Variants in SPAG16 observed in about 807,000 individuals in gnomAD.
The protein encoded by SPAG16 is sperm-associated antigen 16 protein.
In SPAG16, 86 loss-of-function variants were observed where a neutral mutation model predicts 80.4. The observed-to-expected ratio is 1.07, with a 90% CI of 0.90 to 1.28. SPAG16 has a LOEUF of 1.28. SPAG16 is among the 50% of genes most tolerant of loss of function. The pLI, the probability that SPAG16 is intolerant of heterozygous loss-of-function variation, is 0.00. For missense variants in SPAG16, 870 were observed against 765.3 expected (o/e 1.14, Z -1.61); for synonymous variants, 294 against 265.9 (o/e 1.11, Z -1.03).
intron 14 of SPAG16, among the ~76,000 whole-genome samples, chr2:214,120,417 G>A (rs2054160232): frequency 6.6e-6 from 1 of 151,476 alleles, no homozygotes. Context: ...TTGATTTTAG[G>A]CATATATTAA....
At chr2:213,961,949 G>C (rs2044455716) in intron 12 of SPAG16, among the ~76,000 whole-genome samples, 1 of 152,040 alleles carries the variant, frequency 6.6e-6, no homozygotes, top group African/African-American at 2.4e-5. Flanking sequence ...AGTTTCTGAA[G>C]TATTGATATT....
chr2:214,007,321 G>T (rs2047073648), intron 12 of SPAG16, among the ~76,000 whole-genome samples: 1 of 151,760 alleles, frequency 6.6e-6, no homozygotes, highest in East Asian at 1.9e-4. Flanking sequence ...TATGGCCAGG[G>T]ATGGTGGCTC....
chr2:214,294,638 A>G (rs749103924), intron 15 of SPAG16, among the ~76,000 whole-genome samples: 3 of 152,224 alleles, frequency 2.0e-5, no homozygotes, highest in Non-Finnish European at 4.4e-5. Flanking sequence ...AACCTTAACT[A>G]TAGTTAATAA....
chr2:213,426,816 C>G (rs963851397), intron 9 of SPAG16, among the ~76,000 whole-genome samples: 1 of 123,104 alleles, frequency 8.1e-6, no homozygotes, highest in African/African-American at 2.9e-5. Context: ...TGAACTTTTT[C>G]AAAAGATTAT....
chr2:214,002,221 T>A (rs560193826), intron 12 of SPAG16, among the ~76,000 whole-genome samples: 1 of 152,162 alleles, frequency 6.6e-6, no homozygotes, highest in Non-Finnish European at 1.5e-5. Flanking sequence ...AACCATATAT[T>A]TGTGTATTAA....
At chr2:213,284,956 A>G (rs992035946) in intron 1 of SPAG16, among the ~76,000 whole-genome samples, 18 of 152,214 alleles carry the variant, frequency 1.2e-4, no homozygotes, top group Non-Finnish European at 2.5e-4. Flanking sequence ...CTTTCAAATA[A>G]TGGGTTTCCT....
At chr2:213,799,977 G>T (rs907410180) in intron 10 of SPAG16, among the ~76,000 whole-genome samples, 33 of 133,872 alleles carry the variant, frequency 2.5e-4, no homozygotes, top group Non-Finnish European at 5.2e-4. Flanking sequence ...AAAAAAAAAA[G>T]AAAAAACTGT....
At chr2:213,328,220 A>G (rs2063925594) in intron 5 of SPAG16, among the ~76,000 whole-genome samples, 3 of 152,310 alleles carry the variant, frequency 2.0e-5, no homozygotes, top group Non-Finnish European at 1.5e-5. Flanking sequence ...TCAACTTGAC[A>G]TGCTTTAGAG....
chr2:213,750,174 A>G (rs1157993590), intron 10 of SPAG16, among the ~76,000 whole-genome samples: 3 of 152,224 alleles, frequency 2.0e-5, no homozygotes, highest in Non-Finnish European at 4.4e-5. Context: ...TTAAGGTGGT[A>G]AACACAGAAA....
intron 10 of SPAG16, among the ~76,000 whole-genome samples, chr2:213,664,605 T>A (rs2063537842): frequency 6.6e-6 from 1 of 152,080 alleles, no homozygotes; most frequent in South Asian, 2.1e-4. Flanking sequence ...ACTAGTTTTT[T>A]CCTTTTTCTT....
At chr2:213,367,108 G>A (rs1345501543) in intron 8 of SPAG16, among the ~76,000 whole-genome samples, 1 of 152,132 alleles carries the variant, frequency 6.6e-6, no homozygotes, top group Non-Finnish European at 1.5e-5. Flanking sequence ...CCCTACAAAG[G>A]ACATGAACTC....
At chr2:214,248,420 C>T (rs1201349070) in intron 15 of SPAG16, among the ~76,000 whole-genome samples, 1 of 151,648 alleles carries the variant, frequency 6.6e-6, no homozygotes, top group African/African-American at 2.4e-5. Flanking sequence ...CAGGTTCAGG[C>T]AATTCTTCTG....
At chr2:213,545,091 T>C (rs1575915171) in intron 10 of SPAG16, among the ~76,000 whole-genome samples, 1 of 152,110 alleles carries the variant, frequency 6.6e-6, no homozygotes, top group Non-Finnish European at 1.5e-5. Flanking sequence ...CCATTTTGCA[T>C]CTCACCAGTA....
At chr2:214,166,672 T>C (rs1000754458) in intron 15 of SPAG16, among the ~76,000 whole-genome samples, 2 of 152,152 alleles carry the variant, frequency 1.3e-5, no homozygotes, top group Admixed American at 1.3e-4. Flanking sequence ...CCTCTGAGAG[T>C]GGGCTCTTTG....
At chr2:214,040,059 G>T (rs138762206) in intron 13 of SPAG16, among the ~76,000 whole-genome samples, 449 of 152,236 alleles carry the variant, frequency 2.9e-3, no homozygotes, top group Non-Finnish European at 5.0e-3. Context: ...GTCAGACATG[G>T]AAAAAACCTG....
chr2:213,914,545 C>T (rs1034766281), intron 11 of SPAG16, among the ~76,000 whole-genome samples: 2 of 152,128 alleles, frequency 1.3e-5, no homozygotes, highest in African/African-American at 4.8e-5. Flanking sequence ...GATTTTAAGT[C>T]TGTTCTCTTT....
intron 9 of SPAG16, among the ~76,000 whole-genome samples, chr2:213,382,419 C>T (rs556066978): frequency 6.6e-6 from 1 of 152,228 alleles, no homozygotes; most frequent in East Asian, 1.9e-4. Context: ...GGTGAACATG[C>T]CTTTTCTCCA....
At chr2:213,866,891 T>C (rs1247180601) in intron 11 of SPAG16, among the ~76,000 whole-genome samples, 1 of 152,234 alleles carries the variant, frequency 6.6e-6, no homozygotes, top group Non-Finnish European at 1.5e-5. Flanking sequence ...CCGTCTAACA[T>C]ATTTATAACT....
At chr2:213,431,505 A>AG (rs1446586312) in intron 9 of SPAG16, among the ~76,000 whole-genome samples, 2 of 145,154 alleles carry the variant, frequency 1.4e-5, no homozygotes, top group African/African-American at 5.2e-5. Flanking sequence ...TGTAAAAAAA[A>AG]AGAAAAAGTC....
Sources: allele counts gnomAD v4.1 joint callset (sites outside exome capture counted in the v4.1 genomes callset), GRCh38; gene constraint gnomAD v4.1.1; transcripts MANE v1.5; gene names NCBI Gene and HGNC (gene_info 2026-07-23, HGNC 2026-07-21).